Variants in SLC27A1 observed in about 807,000 individuals in gnomAD.
The protein encoded by SLC27A1 is long-chain fatty acid transport protein 1.
In SLC27A1, 61 loss-of-function variants were observed where a neutral mutation model predicts 62.2. The ratio of observed to expected loss-of-function variants is 0.98; its 90% CI spans 0.80 to 1.21. SLC27A1 has a LOEUF of 1.21. Ranked by LOEUF, SLC27A1 falls within the 50% of genes most tolerant of loss-of-function variation. The pLI, the probability that SLC27A1 is intolerant of heterozygous loss-of-function variation, is 0.00. For synonymous variants in SLC27A1, 435 were observed against 408.6 expected, an observed-to-expected ratio of 1.06 and a Z score of -0.78; for missense variants, 903 against 932.1, an observed-to-expected ratio of 0.97 and a Z score of 0.41.
chr19:17,479,928 G>T (rs1257826169), intron 1 of SLC27A1, among the ~76,000 whole-genome samples: 2 of 152,000 alleles, frequency 1.3e-5, no homozygotes, highest in African/African-American at 2.4e-5. Context: ...ACAGGCGTGA[G>T]CCCCTGTGCC....
chr19:17,501,570 G>A (rs2075413334), intron 11 of SLC27A1, 151 bp downstream of exon 11: 7 of 995,898 alleles, frequency 7.0e-6, no homozygotes, highest in African/African-American at 3.3e-5. Context: ...TTGGGAGGCC[G>A]AGGCGGGCGG....
chr19:17,480,853 G>GT, intron 1 of SLC27A1, among the ~76,000 whole-genome samples: 1 of 151,166 alleles, frequency 6.6e-6, no homozygotes, highest in East Asian at 1.9e-4. Flanking sequence ...CCCAGTGTCT[G>GT]TTGTTCCCAT....
rs386388659 is a variant in SLC27A1 at position 17,485,191 on chromosome 19, C to CT, written c.168-1354dup. On this transcript the variant is annotated intron_variant, in intron 1 of 11. Coordinates refer to ENST00000252595, the MANE Select transcript of SLC27A1 (RefSeq NM_198580.3). Reference sequence around the variant, plus strand: ...TTCCTTTCCATTTCCTTTTTGTTTCCTTTTTTTTTTTTTTTTTTGATGGAG... The same window carrying CT: ...TTCCTTTCCATTTCCTTTTTGTTTCCTTTTTTTTTTTTTTTTTTTGATGGAG... Among the ~76,000 whole-genome samples the CT allele has an allele frequency of 8.7e-3, 918 of 104,960 alleles. 13 individuals are homozygous for CT. The highest frequency in any genetic ancestry group is 0.022 in the East Asian group (93 of 4,188). The allele number at this position is 104,960 out of a possible 152,430, so 68.9% of individuals were successfully genotyped here. A position where few individuals can be genotyped will look rare whatever the true frequency, so the allele number is the denominator to read the frequency against.
In SLC27A1 at chr19:17,500,720, C is replaced by T; in HGVS notation, c.1480C>T (p.Leu494=). 1 of 1,614,134 alleles carries T rather than the reference C, an allele frequency of 6.2e-7. No individual in the cohort carries two copies. Among genetic ancestry groups the T allele is most frequent in the Non-Finnish European group, 8.5e-7 (1 of 1,180,022 alleles). Reference sequence around the variant, plus strand: ...CCTCTCCCCTCTGCCAGGTGACGTGCTAGTGATGGATGAGCTGGGCTACAT... The same window carrying T: ...CCTCTCCCCTCTGCCAGGTGACGTGTTAGTGATGGATGAGCTGGGCTACAT... The part of the protein sequence containing the change: ...GDSAYLSGDV[L]VMDELGYMYF... Residue 494 remains leucine, a synonymous_variant, in exon 10 of 12, where the codon CTA becomes TTA. Coordinates refer to ENST00000252595, the MANE Select transcript of SLC27A1 (RefSeq NM_198580.3).
At chr19:17,492,055 T>C (rs2075299420) in intron 6 of SLC27A1, among the ~76,000 whole-genome samples, 3 of 152,126 alleles carry the variant, frequency 2.0e-5, no homozygotes, top group Admixed American at 2.0e-4. Context: ...GGACGTGTCC[T>C]GTGCATTGTA....
chr19:17,488,220 G>A lies in SLC27A1; in HGVS notation c.795-628G>A, dbSNP rs930374533. On this transcript the variant is annotated intron_variant, in intron 4 of 11. Coordinates refer to ENST00000252595, the MANE Select transcript of SLC27A1 (RefSeq NM_198580.3). ...CTAAAAATACAAAAATTAGCTGGGCGTGGTGGCACATGACTGTAATCCCAG... is the reference window on the plus strand; with the variant it reads ...CTAAAAATACAAAAATTAGCTGGGCATGGTGGCACATGACTGTAATCCCAG... 4.6e-5 allele frequency among the ~76,000 whole-genome samples: 7 copies of A among 152,308 alleles called. No individual in the cohort carries two copies. In the South Asian group the frequency reaches 1.2e-3, roughly 27 times the overall value.
At chr19:17,501,647 CA>C (rs1251195772) in intron 11 of SLC27A1, among the ~76,000 whole-genome samples, 1 of 151,678 alleles carries the variant, frequency 6.6e-6, no homozygotes, top group East Asian at 1.9e-4. Flanking sequence ...ACTAAAAATA[CA>C]AAAAATTAGC....
intron 1 of SLC27A1, among the ~76,000 whole-genome samples, chr19:17,478,466 C>CAAAA (rs869214050): frequency 2.1e-5 from 1 of 48,390 alleles, no homozygotes; most frequent in African/African-American, 8.1e-5. Context: ...GACTCCGTCT[C>CAAAA]AAAAAAAAAA....
chr19:17,486,677 G>A lies in SLC27A1; in HGVS notation c.282G>A (p.Ala94=). The part of the protein sequence containing the change: ...AVVQRQPERL[A]LVDAGTGECW... ...TGCAGCGACAGCCCGAGCGCCTGGCGCTGGTGGATGCCGGGACCGGCGAGT... is the reference window on the plus strand; with the variant it reads ...TGCAGCGACAGCCCGAGCGCCTGGCACTGGTGGATGCCGGGACCGGCGAGT... Residue 94 remains alanine, a synonymous_variant, in exon 2 of 12, where the codon GCG becomes GCA. Coordinates refer to ENST00000252595, the MANE Select transcript of SLC27A1 (RefSeq NM_198580.3). This position sits in a 1 kb window ranked among gnomAD's most constrained non-coding sequence, Gnocchi z 6.6. 2 of 1,610,552 alleles carry A rather than the reference G, an allele frequency of 1.2e-6. No homozygotes were observed. Among genetic ancestry groups the A allele is most frequent in the African/African-American group, 1.3e-5 (1 of 75,048 alleles).
intron 1 of SLC27A1, among the ~76,000 whole-genome samples, chr19:17,471,725 A>G (rs751171629): frequency 6.6e-6 from 1 of 152,114 alleles, no homozygotes; most frequent in Non-Finnish European, 1.5e-5. Context: ...ATCCCACCGT[A>G]AGTTGACTGG....
chr19:17,486,847 C>A lies in SLC27A1; in HGVS notation c.452C>A (p.Ala151Glu). Residue 151 changes from alanine to glutamate, a missense_variant, in exon 2 of 12, where the codon GCG (alanine) becomes GAG (glutamate). Transcript: ENST00000252595. This position sits in a 1 kb window ranked among gnomAD's most constrained non-coding sequence, Gnocchi z 6.6. ...FVGLWLGLAK[A>E]GMEAALLNVN... ...GGGCTGTGGCTGGGCCTGGCCAAGGCGGGCATGGAGGCCGCGCTGCTCAAC... is the reference window on the plus strand; with the variant it reads ...GGGCTGTGGCTGGGCCTGGCCAAGGAGGGCATGGAGGCCGCGCTGCTCAAC... 2 of 1,587,268 alleles carry A rather than the reference C, an allele frequency of 1.3e-6. No individual in the cohort carries two copies. Among genetic ancestry groups the A allele is most frequent in the Non-Finnish European group, 1.7e-6 (2 of 1,172,278 alleles).
At chr19:17,501,990 C>G (rs1213388220) in intron 11 of SLC27A1, among the ~76,000 whole-genome samples, 1 of 151,114 alleles carries the variant, frequency 6.6e-6, no homozygotes, top group Non-Finnish European at 1.5e-5. Flanking sequence ...GTGGCATGCA[C>G]TTGTAGTCCC....
rs1344052719 is a variant in SLC27A1, at chr19:17,504,583, C to T, written c.1912C>T (p.Arg638Cys). ...YLPLNEAVYT[R>C]ICSGAFAL ...GCCCTTAAATGAGGCAGTCTACACT[C>T]GCATCTGCTCGGGCGCCTTCGCCCT... is the stretch of plus-strand genomic sequence containing the variant. Residue 638 changes from arginine to cysteine, a missense_variant, in exon 12 of 12, where the codon CGC becomes TGC. Coordinates refer to ENST00000252595, the MANE Select transcript of SLC27A1 (RefSeq NM_198580.3). The T allele has an allele frequency of 1.2e-5, 19 of 1,614,040 alleles. No homozygotes were observed. Among genetic ancestry groups the T allele is most frequent in the Middle Eastern group, 1.6e-4 (1 of 6,084 alleles).
chr19:17,473,209 C>T (rs565684298), intron 1 of SLC27A1, among the ~76,000 whole-genome samples: 13 of 152,136 alleles, frequency 8.5e-5, no homozygotes, highest in African/African-American at 2.7e-4. Flanking sequence ...CTGGGATTAC[C>T]GCGCCCAGCG....
chr19:17,501,376 C>T lies in SLC27A1; in HGVS notation c.1740C>T (p.Ala580=). 1.9e-6 allele frequency: 3 copies of T among 1,613,822 alleles called. No homozygotes were observed. The highest frequency in any genetic ancestry group is 2.5e-6 in the Non-Finnish European group (3 of 1,179,944). The part of the protein sequence containing the change: ...QELQKVLAPY[A]RPIFLRLLPQ... Reference sequence around the variant, plus strand: ...TGCAGAAGGTGCTGGCACCCTATGCCCGGCCCATCTTCCTGCGCCTCCTGC... The same window carrying T: ...TGCAGAAGGTGCTGGCACCCTATGCTCGGCCCATCTTCCTGCGCCTCCTGC... The change falls in exon 11 of 12, where the codon GCC becomes GCT. Residue 580 remains alanine (A), a synonymous_variant. Coordinates refer to ENST00000252595, the MANE Select transcript of SLC27A1 (RefSeq NM_198580.3).
chr19:17,479,453 G>A lies in SLC27A1; in HGVS notation c.168-7110G>A, dbSNP rs1216344400. Among the ~76,000 whole-genome samples the A allele has an allele frequency of 2.0e-5, 3 of 152,112 alleles. No homozygotes were observed. The East Asian group carries it at 5.8e-4, about 29-fold the overall frequency. ...TCTTGTGCAGGCTGCCCAGTTTTCT[G>A]TTGTAAAGACAATCCATTGTATAGG... On this transcript the variant is annotated intron_variant, in intron 1 of 11. Coordinates refer to ENST00000252595, the MANE Select transcript of SLC27A1 (RefSeq NM_198580.3).
intron 1 of SLC27A1, among the ~76,000 whole-genome samples, chr19:17,473,439 A>C (rs2075095133): frequency 6.6e-6 from 1 of 152,188 alleles, no homozygotes; most frequent in Non-Finnish European, 1.5e-5. Flanking sequence ...TTGAATGGGC[A>C]TGCTTTGAGG....
intron 11 of SLC27A1, among the ~76,000 whole-genome samples, 192 bp downstream of exon 11, chr19:17,501,611 G>A (rs1335305501): frequency 6.6e-6 from 1 of 151,680 alleles, no homozygotes; most frequent in Non-Finnish European, 1.5e-5. Context: ...AGAGCATCCC[G>A]GCTAACACAG....
chr19:17,504,583 C>CG lies in SLC27A1; in HGVS notation c.1913dup (p.Ile639HisfsTer55), dbSNP rs1320162189. 2.5e-6 allele frequency: 4 copies of CG among 1,614,158 alleles called. No homozygotes were observed. The East Asian group carries it at 8.9e-5, about 36-fold the overall frequency. On this transcript the variant is annotated frameshift_variant, in exon 12 of 12. Coordinates refer to ENST00000252595, the MANE Select transcript of SLC27A1 (RefSeq NM_198580.3). LOFTEE classifies it high-confidence loss of function. ...GCCCTTAAATGAGGCAGTCTACACTCGCATCTGCTCGGGCGCCTTCGCCCT... is the reference window on the plus strand; with the variant it reads ...GCCCTTAAATGAGGCAGTCTACACTCGGCATCTGCTCGGGCGCCTTCGCCCT...
Sources: allele counts gnomAD v4.1 joint callset (sites outside exome capture counted in the v4.1 genomes callset), GRCh38; gene constraint gnomAD v4.1.1; non-coding constraint Gnocchi (gnomAD v3.1); transcripts MANE v1.5; gene names NCBI Gene and HGNC (gene_info 2026-07-23, HGNC 2026-07-21).